The following CLASP1 variants were observed in gnomAD, a reference collection of about 807,000 sequenced individuals.
The protein encoded by CLASP1 is cytoplasmic linker associated protein 1.
In CLASP1, 38 loss-of-function variants were observed where a neutral mutation model predicts 192.3. The observed-to-expected ratio is 0.20, with a 90% CI of 0.15 to 0.26. The LOEUF (loss-of-function observed/expected upper bound fraction) is 0.26, where lower values mean the gene tolerates loss of function less well. Among genes scored for constraint, CLASP1 ranks in the 10% least tolerant of loss-of-function variants. CLASP1 has a pLI of 1.00. For missense variants in CLASP1, 1,433 were observed against 1,932.5 expected, an observed-to-expected ratio of 0.74 and a Z score of 4.85; for synonymous variants, 691 against 712.8, an observed-to-expected ratio of 0.97 and a Z score of 0.49.
chr2:121,480,290 G>C (rs1282270162), intron 8 of CLASP1, among the ~76,000 whole-genome samples: 4 of 152,242 alleles, frequency 2.6e-5, no homozygotes, highest in South Asian at 4.1e-4. Context: ...AATTTCCACA[G>C]ATGCCTGCTC....
At chr2:121,511,937 G>A (rs1179331082) in intron 7 of CLASP1, among the ~76,000 whole-genome samples, 1 of 152,128 alleles carries the variant, frequency 6.6e-6, no homozygotes, top group Non-Finnish European at 1.5e-5. Context: ...TAAAGCTTTA[G>A]CAAGCAAGTT....
chr2:121,409,286 G>C (rs901527775), intron 24 of CLASP1, among the ~76,000 whole-genome samples: 3 of 152,086 alleles, frequency 2.0e-5, no homozygotes, highest in African/African-American at 7.2e-5. Flanking sequence ...GTAATTCTTT[G>C]CTAAAACTTT....
At chr2:121,427,244 A>C (rs1233082042) in intron 21 of CLASP1, among the ~76,000 whole-genome samples, 160 bp downstream of exon 21, 1 of 152,198 alleles carries the variant, frequency 6.6e-6, no homozygotes, top group Non-Finnish European at 1.5e-5. Flanking sequence ...AGGGGAAAGA[A>C]ATCCATTTCA....
chr2:121,420,564 G>A (rs1373955418), intron 22 of CLASP1, among the ~76,000 whole-genome samples: 10 of 152,084 alleles, frequency 6.6e-5, no homozygotes, highest in Admixed American at 2.0e-4. Flanking sequence ...AAAAGAACAC[G>A]TCCCCTCATT....
intron 32 of CLASP1, among the ~76,000 whole-genome samples, chr2:121,386,826 T>C (rs1376350171): frequency 6.6e-6 from 1 of 152,234 alleles, no homozygotes; most frequent in African/African-American, 2.4e-5. Context: ...ATGGATTCTA[T>C]GTAAAACAGT....
At chr2:121,430,048 C>T in intron 20 of CLASP1, 25 bp downstream of exon 20, 1 of 1,505,382 alleles carries the variant, frequency 6.6e-7, no homozygotes, top group South Asian at 1.2e-5. Flanking sequence ...CTGAGGTAAG[C>T]AAGAGCATAA....
chr2:121,397,041 T>C, intron 30 of CLASP1, 99 bp downstream of exon 31: 1 of 1,166,672 alleles, frequency 8.6e-7, no homozygotes, highest in Non-Finnish European at 1.3e-6. Context: ...GTGATATAGG[T>C]TTGTGGGTGG....
chr2:121,439,577 T>TA (rs2082910102), intron 19 of CLASP1, among the ~76,000 whole-genome samples: 1 of 152,148 alleles, frequency 6.6e-6, no homozygotes, highest in Non-Finnish European at 1.5e-5. Flanking sequence ...TTCATTTCGT[T>TA]ATGTACCCAG....
At chr2:121,477,816 C>T (rs897928282) in intron 8 of CLASP1, among the ~76,000 whole-genome samples, 2 of 152,160 alleles carry the variant, frequency 1.3e-5, no homozygotes, top group African/African-American at 4.8e-5. Context: ...AATAGAATCA[C>T]AGCACACAAC....
At chr2:121,435,252 T>C (rs2082103506) in intron 19 of CLASP1, among the ~76,000 whole-genome samples, 1 of 152,178 alleles carries the variant, frequency 6.6e-6, no homozygotes. Context: ...CTTGGTTTAT[T>C]TGACTTTATT....
chr2:121,357,241 T>C (rs1204666608), intron 37 of CLASP1, among the ~76,000 whole-genome samples: 1 of 152,254 alleles, frequency 6.6e-6, no homozygotes, highest in African/African-American at 2.4e-5. Context: ...AATGCAGTTA[T>C]ATCTGCTTTA....
rs60345742 is a variant in CLASP1 at position 121,581,260 on chromosome 2, C to CTTTTTTTTTTTTTTTTTTTTT, written c.195+24420_195+24440dup. Among the ~76,000 whole-genome samples the CTTTTTTTTTTTTTTTTTTTTT allele has an allele frequency of 3.6e-4, 21 of 57,668 alleles. 4 individuals are homozygous for CTTTTTTTTTTTTTTTTTTTTT. Among genetic ancestry groups the CTTTTTTTTTTTTTTTTTTTTT allele is most frequent in the African/African-American group, 1.2e-3 (17 of 13,808 alleles). The allele number at this position is 57,668 out of a possible 152,430, so 37.8% of individuals were successfully genotyped here. On this transcript the variant is annotated intron_variant, in intron 2 of 39. Transcript: ENST00000263710. ...TCTGCCTCCCAAAAGGCCTTTTGTTCTTTTTTTTTTTTTTTTTTTTTTTTT... is the reference window on the plus strand; with the variant it reads ...TCTGCCTCCCAAAAGGCCTTTTGTTCTTTTTTTTTTTTTTTTTTTTTTTTTTTTTTTTTTTTTTTTTTTTTT...
chr2:121,365,644 C>A (rs936916266), intron 35 of CLASP1, among the ~76,000 whole-genome samples: 1 of 152,202 alleles, frequency 6.6e-6, no homozygotes, highest in African/African-American at 2.4e-5. Context: ...AACTCTCTCC[C>A]ACTGCCATGG....
At chr2:121,573,407 G>A (rs955334615) in intron 2 of CLASP1, among the ~76,000 whole-genome samples, 1 of 152,134 alleles carries the variant, frequency 6.6e-6, no homozygotes, top group Non-Finnish European at 1.5e-5. Flanking sequence ...TAATAAATTA[G>A]TTCTCTAATT....
intron 15 of CLASP1, 135 bp from the exon 16 acceptor site, chr2:121,451,125 G>A (rs531213581): frequency 2.5e-5 from 16 of 643,622 alleles, no homozygotes; most frequent in Non-Finnish European, 3.0e-5. Flanking sequence ...CAGTTCCCAC[G>A]TGGCTGGGCA....
chr2:121,593,927 G>A (rs1456719223), intron 2 of CLASP1, among the ~76,000 whole-genome samples: 1 of 151,564 alleles, frequency 6.6e-6, no homozygotes, highest in African/African-American at 2.4e-5. Flanking sequence ...GAGAATCACT[G>A]AACCCGGGAG....
At chr2:121,603,310 A>G (rs985569654) in intron 2 of CLASP1, 24 of 152,178 alleles carry the variant, frequency 1.6e-4, no homozygotes, top group Non-Finnish European at 4.4e-5. Context: ...ATGGCCAACA[A>G]ATATATGAAA....
At chr2:121,407,649 C>T in exon 25 of CLASP1, 1 of 1,614,008 alleles carries the variant, frequency 6.2e-7, no homozygotes, top group Non-Finnish European at 8.5e-7. Context: ...ACACTTGAGG[C>T]ATCACTGTTG....
chr2:121,601,523 G>GAT (rs1419889420), intron 2 of CLASP1, among the ~76,000 whole-genome samples: 1 of 152,110 alleles, frequency 6.6e-6, no homozygotes, highest in Non-Finnish European at 1.5e-5. Flanking sequence ...GCCTGCCTCG[G>GAT]CCTCCCAAAG....
Sources: gnomAD v4.1 joint callset for allele counts (sites outside exome capture counted in the v4.1 genomes callset) on GRCh38, gnomAD v4.1.1 for gene constraint, MANE v1.5 for transcripts, NCBI Gene and HGNC (gene_info 2026-07-23, HGNC 2026-07-21) for gene names.